TMEM242: variants seen among roughly 807,000 people sequenced by gnomAD.
TMEM242 encodes the protein UPF0463 transmembrane protein C6orf35.
Under a neutral mutation model 18.2 loss-of-function variants are expected in TMEM242, and 10 were observed. That is an observed-to-expected ratio of 0.55 (90% CI 0.34 to 0.93). The LOEUF (loss-of-function observed/expected upper bound fraction) is 0.93. Ranked by LOEUF, TMEM242 falls within the 40% of genes least tolerant of loss-of-function variation. TMEM242 has a pLI of 0.02. For missense variants in TMEM242, 186 were observed against 175.5 expected, an observed-to-expected ratio of 1.06 and a Z score of -0.34; for synonymous variants, 57 against 69.9, an observed-to-expected ratio of 0.81 and a Z score of 0.92.
chr6:157,319,201 A>G (rs1192141329), intron 2 of TMEM242, among the ~76,000 whole-genome samples: 2 of 152,208 alleles, frequency 1.3e-5, no homozygotes, highest in African/African-American at 4.8e-5. Context: ...TCACAGAATG[A>G]CATTAAAGTG....
chr6:157,298,206 T>C (rs1380950517), intron 3 of TMEM242, among the ~76,000 whole-genome samples: 4 of 152,216 alleles, frequency 2.6e-5, no homozygotes, highest in African/African-American at 9.7e-5. Context: ...AAGAACAATT[T>C]CTAACATGCT....
intron 3 of TMEM242, among the ~76,000 whole-genome samples, chr6:157,301,774 A>C (rs1418049705): frequency 6.6e-6 from 1 of 152,106 alleles, no homozygotes; most frequent in Non-Finnish European, 1.5e-5. Context: ...TCTACTAAAA[A>C]TACAAAAATT....
At chr6:157,312,828 G>T (rs148376882) in intron 3 of TMEM242, among the ~76,000 whole-genome samples, 1 of 70,002 alleles carries the variant, frequency 1.4e-5, no homozygotes, top group Admixed American at 1.4e-4. Flanking sequence ...CCTCATCATA[G>T]TGCCACAGTG....
intron 3 of TMEM242, among the ~76,000 whole-genome samples, chr6:157,302,615 T>TA (rs782014855): frequency 6.6e-6 from 1 of 152,084 alleles, no homozygotes; most frequent in Non-Finnish European, 1.5e-5. Flanking sequence ...AGTCTTGAGA[T>TA]AAAAAAGGAA....
At chr6:157,323,391 C>T (rs1322066850) in intron 1 of TMEM242, 21 bp downstream of exon 1, 6 of 1,612,274 alleles carry the variant, frequency 3.7e-6, no homozygotes, top group Non-Finnish European at 5.1e-6. Flanking sequence ...GACGCCCGCA[C>T]CTCACCACAG....
At chr6:157,314,076 A>G (rs113455582) in intron 3 of TMEM242, among the ~76,000 whole-genome samples, 3,959 of 110,934 alleles carry the variant, frequency 0.036, 193 homozygotes, top group African/African-American at 0.13. Context: ...ACCCGGCCTC[A>G]TCATAGAGCC....
intron 3 of TMEM242, among the ~76,000 whole-genome samples, chr6:157,313,417 GCGCT>G (rs1778272937): frequency 1.2e-4 from 3 of 26,042 alleles, no homozygotes; most frequent in Admixed American, 4.2e-4. Context: ...TGTCCAGTGT[GCGCT>G]CACCTGGCCT....
intron 3 of TMEM242, among the ~76,000 whole-genome samples, chr6:157,312,085 A>C (rs1554249104): frequency 7.4e-5 from 9 of 121,524 alleles, no homozygotes; most frequent in Non-Finnish European, 1.0e-4. Flanking sequence ...GCCTCAACAT[A>C]GTGCCCTAGT....
chr6:157,295,920 G>A (rs1396758525), intron 3 of TMEM242, among the ~76,000 whole-genome samples: 1 of 152,052 alleles, frequency 6.6e-6, no homozygotes, highest in Non-Finnish European at 1.5e-5. Flanking sequence ...CTCCACAGAA[G>A]GCTTTTCAGC....
chr6:157,321,134 G>A (rs1554250708), intron 2 of TMEM242, among the ~76,000 whole-genome samples: 1 of 150,748 alleles, frequency 6.6e-6, no homozygotes, highest in South Asian at 2.1e-4. Context: ...TCAGCCTCCC[G>A]AGTAGCTGGG....
intron 3 of TMEM242, 82 bp from the exon 4 acceptor site, chr6:157,293,081 G>C: frequency 1.0e-6 from 1 of 962,312 alleles, no homozygotes; most frequent in Non-Finnish European, 1.7e-6. Flanking sequence ...TTGCTGACTG[G>C]CTAGTACTTC....
At chr6:157,300,186 C>T in intron 3 of TMEM242, 1 of 491,264 alleles carries the variant, frequency 2.0e-6, no homozygotes, top group East Asian at 3.9e-5. Context: ...CAGGACGTCG[C>T]AACGCCAAGA....
intron 3 of TMEM242, chr6:157,299,323 AT>A: frequency 3.3e-6 from 3 of 900,458 alleles, no homozygotes; most frequent in Non-Finnish European, 3.7e-6. Context: ...ACTTGTGGAC[AT>A]TTTTCCATTG....
chr6:157,296,582 C>G (rs1266387067), intron 3 of TMEM242, among the ~76,000 whole-genome samples: 1 of 152,208 alleles, frequency 6.6e-6, no homozygotes, highest in African/African-American at 2.4e-5. Context: ...ACTCAGGAAG[C>G]TGGGGAAGGA....
At chr6:157,314,203 C>T in intron 3 of TMEM242, among the ~76,000 whole-genome samples, 1 of 150,668 alleles carries the variant, frequency 6.6e-6, no homozygotes, top group Non-Finnish European at 1.5e-5. Flanking sequence ...TGTGCGCTCA[C>T]CTGGCCTCAT....
At chr6:157,315,824 C>G (rs1554250285) in intron 3 of TMEM242, among the ~76,000 whole-genome samples, 1 of 152,098 alleles carries the variant, frequency 6.6e-6, no homozygotes, top group African/African-American at 2.4e-5. Flanking sequence ...AAGATAGCTC[C>G]CAATACCTCT....
At chr6:157,313,147 C>G (rs1554249638) in intron 3 of TMEM242, among the ~76,000 whole-genome samples, 2 of 135,540 alleles carry the variant, frequency 1.5e-5, no homozygotes, top group Admixed American at 1.5e-4. Flanking sequence ...TCCCAGTGTG[C>G]GCTCACCTGG....
At chr6:157,319,201 A>T (rs1192141329) in intron 2 of TMEM242, among the ~76,000 whole-genome samples, 1 of 152,208 alleles carries the variant, frequency 6.6e-6, no homozygotes, top group South Asian at 2.1e-4. Flanking sequence ...TCACAGAATG[A>T]CATTAAAGTG....
At chr6:157,316,289 T>C (rs1209803015) in intron 3 of TMEM242, among the ~76,000 whole-genome samples, 1 of 152,228 alleles carries the variant, frequency 6.6e-6, no homozygotes, top group Non-Finnish European at 1.5e-5. Context: ...GCCAATCACA[T>C]GTTATGTCAT....
Sources: gnomAD v4.1 joint callset for allele counts (sites outside exome capture counted in the v4.1 genomes callset) on GRCh38, gnomAD v4.1.1 for gene constraint, MANE v1.5 for transcripts, NCBI Gene and HGNC (gene_info 2026-07-23, HGNC 2026-07-21) for gene names.